Variants in C12orf42 observed in about 807,000 individuals in gnomAD.
C12orf42 encodes the protein uncharacterized protein C12orf42.
A neutral mutation model predicts 21.6 loss-of-function variants in C12orf42; 25 were observed. That is an observed-to-expected ratio of 1.16 (90% confidence interval 0.84 to 1.62). The LOEUF is 1.62. Ranked by LOEUF, C12orf42 falls within the 40% of genes most tolerant of loss-of-function variation. C12orf42 has a pLI of 0.00. For missense variants in C12orf42, 483 were observed against 459.3 expected (o/e 1.05, Z -0.47); for synonymous variants, 174 against 175.0 (o/e 0.99, Z 0.05).
the C12orf42 span, among the ~76,000 whole-genome samples, chr12:103,070,363 T>C: frequency 6.6e-6 from 1 of 152,070 alleles, no homozygotes; most frequent in African/African-American, 2.4e-5. Context: ...TCTCAGTGCC[T>C]CACCCACCCT....
At chr12:103,102,254 T>G in the C12orf42 span, among the ~76,000 whole-genome samples, 1 of 152,226 alleles carries the variant, frequency 6.6e-6, no homozygotes, top group South Asian at 2.1e-4. Flanking sequence ...TTGTTTTCTC[T>G]AATTTGGTTA....
At chr12:103,227,583 C>G in the C12orf42 span, among the ~76,000 whole-genome samples, 3 of 151,770 alleles carry the variant, frequency 2.0e-5, no homozygotes, top group African/African-American at 7.3e-5. Flanking sequence ...TGCCCCTCTC[C>G]CAGAAAAGCA....
At chr12:103,095,719 T>C in the C12orf42 span, among the ~76,000 whole-genome samples, 1 of 152,230 alleles carries the variant, frequency 6.6e-6, no homozygotes, top group Non-Finnish European at 1.5e-5. Flanking sequence ...TCAATTGTTG[T>C]GTCCTAAGAG....
intron 5 of C12orf42, among the ~76,000 whole-genome samples, chr12:103,271,829 T>C (rs1314995387): frequency 2.0e-5 from 3 of 152,190 alleles, no homozygotes; most frequent in African/African-American, 7.2e-5. Flanking sequence ...ACCTTGCTGA[T>C]AGATTTTAAT....
intron 2 of C12orf42, among the ~76,000 whole-genome samples, chr12:103,422,972 T>C (rs2050047330): frequency 6.6e-6 from 1 of 152,244 alleles, no homozygotes; most frequent in Non-Finnish European, 1.5e-5. Flanking sequence ...CAGGGGACAC[T>C]TGATGCTCTC....
At chr12:103,462,193 C>T (rs1306670113) in intron 2 of C12orf42, among the ~76,000 whole-genome samples, 1 of 142,510 alleles carries the variant, frequency 7.0e-6, no homozygotes, top group African/African-American at 2.6e-5. Flanking sequence ...CTGCAACCTC[C>T]GCCTCCCAGG....
chr12:103,277,989 T>C (rs1403074025), intron 4 of C12orf42, among the ~76,000 whole-genome samples: 1 of 152,118 alleles, frequency 6.6e-6, no homozygotes, highest in African/African-American at 2.4e-5. Context: ...ATCACATTCA[T>C]GGATAGAATA....
upstream of C12orf42, among the ~76,000 whole-genome samples, chr12:103,500,513 C>G (rs80159282): frequency 5.4e-4 from 82 of 152,258 alleles, no homozygotes; most frequent in East Asian, 0.015. Flanking sequence ...AAGATATGCT[C>G]ACACAAATAA....
chr12:103,511,349 T>A, the C12orf42 span, among the ~76,000 whole-genome samples: 1 of 150,086 alleles, frequency 6.7e-6, no homozygotes, highest in Admixed American at 6.7e-5. Context: ...ATAAAATTGT[T>A]TATATTTAAT....
chr12:103,282,415 A>G (rs1032291016), intron 4 of C12orf42, among the ~76,000 whole-genome samples: 4 of 152,132 alleles, frequency 2.6e-5, no homozygotes, highest in Non-Finnish European at 4.4e-5. Context: ...TGCCTTTTCT[A>G]TGTTTAGATA....
At chr12:103,147,758 C>T in the C12orf42 span, among the ~76,000 whole-genome samples, 1 of 151,378 alleles carries the variant, frequency 6.6e-6, no homozygotes, top group African/African-American at 2.4e-5. Flanking sequence ...GGTCCCTGGT[C>T]CCCTTTTCTA....
the C12orf42 span, among the ~76,000 whole-genome samples, chr12:103,192,632 A>G: frequency 6.6e-6 from 1 of 152,200 alleles, no homozygotes; most frequent in Admixed American, 6.5e-5. Flanking sequence ...TGAGTCAAAA[A>G]CTGTCACAAG....
the C12orf42 span, among the ~76,000 whole-genome samples, chr12:103,506,391 A>G: frequency 2.0e-5 from 3 of 150,638 alleles, no homozygotes; most frequent in East Asian, 2.0e-4. Flanking sequence ...GAAAACATAT[A>G]AAGTCAGTTG....
chr12:103,138,173 A>G, the C12orf42 span, among the ~76,000 whole-genome samples: 2 of 152,216 alleles, frequency 1.3e-5, no homozygotes, highest in Admixed American at 1.3e-4. Flanking sequence ...AACTAAAAAA[A>G]TCCCTTTCTG....
At chr12:103,192,786 C>A in the C12orf42 span, among the ~76,000 whole-genome samples, 1 of 152,090 alleles carries the variant, frequency 6.6e-6, no homozygotes, top group Non-Finnish European at 1.5e-5. Flanking sequence ...GACAGCAATA[C>A]AATAATAGCA....
At chr12:103,095,047 A>G in the C12orf42 span, among the ~76,000 whole-genome samples, 6 of 152,318 alleles carry the variant, frequency 3.9e-5, no homozygotes, top group East Asian at 7.7e-4. Flanking sequence ...ATATCCCAGA[A>G]TCAATTGGAA....
chr12:103,527,198 T>C, the C12orf42 span, among the ~76,000 whole-genome samples: 6 of 151,990 alleles, frequency 3.9e-5, no homozygotes, highest in African/African-American at 1.5e-4. Context: ...CAGAAAGAAA[T>C]GGTTTCTTTT....
At chr12:103,479,444 C>G (rs1010618034) in intron 1 of C12orf42, among the ~76,000 whole-genome samples, 12 of 152,066 alleles carry the variant, frequency 7.9e-5, no homozygotes, top group African/African-American at 2.9e-4. Flanking sequence ...TAAATACTAA[C>G]ACTCATGAAT....
chr12:103,228,182 G>T, the C12orf42 span, among the ~76,000 whole-genome samples: 3 of 152,204 alleles, frequency 2.0e-5, no homozygotes, highest in Non-Finnish European at 4.4e-5. Context: ...CCTGGGTGCA[G>T]GCGGGCTGAG....
Sources: allele counts gnomAD v4.1 joint callset (sites outside exome capture counted in the v4.1 genomes callset), GRCh38; gene constraint gnomAD v4.1.1; transcripts MANE v1.5; gene names NCBI Gene and HGNC (gene_info 2026-07-23, HGNC 2026-07-21).